The following GRHL3 variants were observed in gnomAD, a reference collection of about 807,000 sequenced individuals.
GRHL3 encodes grainyhead-like protein 3 homolog.
In GRHL3, 20 loss-of-function variants were observed where a neutral mutation model predicts 70.3. The observed-to-expected ratio is 0.28, with a 90% confidence interval of 0.20 to 0.41. The LOEUF is 0.41. GRHL3 is among the 10% of genes least tolerant of loss of function. The pLI is 1.00. For missense variants in GRHL3, 637 were observed against 762.3 expected, an observed-to-expected ratio of 0.84 and a Z score of 1.94; for synonymous variants, 299 against 299.9, an observed-to-expected ratio of 1.00 and a Z score of 0.03.
intron 7 of GRHL3, among the ~76,000 whole-genome samples, chr1:24,339,245 A>T (rs554152529): frequency 2.6e-4 from 40 of 151,074 alleles, no homozygotes; most frequent in African/African-American, 9.3e-4. Context: ...GGGGGAGAGA[A>T]TGTATGCCCC....
intron 2 of GRHL3, among the ~76,000 whole-genome samples, chr1:24,333,265 G>A (rs1382388337): frequency 6.6e-6 from 1 of 152,210 alleles, no homozygotes; most frequent in East Asian, 1.9e-4. Flanking sequence ...TGGTGTGGAA[G>A]GAGCACCAAG....
At chr1:24,340,594 C>G (rs1639997721) in intron 8 of GRHL3, among the ~76,000 whole-genome samples, 1 of 152,166 alleles carries the variant, frequency 6.6e-6, no homozygotes, top group African/African-American at 2.4e-5. Flanking sequence ...TTCGGCCTGT[C>G]CCTTCCCCTC....
At chr1:24,348,942 A>T (rs1640396831) in intron 14 of GRHL3, among the ~76,000 whole-genome samples, 1 of 152,246 alleles carries the variant, frequency 6.6e-6, no homozygotes, top group South Asian at 2.1e-4. Flanking sequence ...GGCAGCTAGT[A>T]CTAATCAACA....
chr1:24,352,462 C>T (rs1446283367), intron 15 of GRHL3, among the ~76,000 whole-genome samples: 3 of 152,170 alleles, frequency 2.0e-5, no homozygotes, highest in African/African-American at 7.2e-5. Context: ...CATTTGGTGA[C>T]AGTGGTACTG....
At chr1:24,348,119 G>A (rs926251766) in intron 14 of GRHL3, among the ~76,000 whole-genome samples, 2 of 152,200 alleles carry the variant, frequency 1.3e-5, no homozygotes, top group Non-Finnish European at 2.9e-5. Flanking sequence ...GGTCAGCTGT[G>A]GCTGAAGGTG....
At chr1:24,358,523 C>A (rs1407380852), downstream of GRHL3, 1 of 1,605,698 alleles carries the variant, frequency 6.2e-7, no homozygotes. Flanking sequence ...TGGAGTTCTC[C>A]TTGACCTTGT....
At chr1:24,326,027 A>G (rs1282739371) in intron 1 of GRHL3, among the ~76,000 whole-genome samples, 1 of 152,166 alleles carries the variant, frequency 6.6e-6, no homozygotes, top group East Asian at 1.9e-4. Context: ...TTTTTCCTCA[A>G]ATGAGGACAG....
Position 24,337,107 on chromosome 1 carries a change from C to G in GRHL3, c.642C>G (p.Thr214=). ...TGCTCTTCCCAGATATCCTGAAAAC[C>G]TCCCCGGAACCCCCATGTCCAGAGG... The part of the protein sequence containing the change: ...ESMLFPDILK[T]SPEPPCPEDY... The change falls in exon 5 of 16, where the codon ACC becomes ACG. Residue 214 remains threonine (T), a synonymous_variant. Coordinates refer to ENST00000361548, the MANE Select transcript of GRHL3 (RefSeq NM_198173.3). The G allele has an allele frequency of 1.2e-6, 2 of 1,614,142 alleles. No homozygotes were observed. The highest frequency in any genetic ancestry group is 1.7e-6 in the Non-Finnish European group (2 of 1,180,008).
At chr1:24,338,155 C>T (rs551243839) in intron 7 of GRHL3, 52 bp downstream of exon 7, 39 of 1,237,300 alleles carry the variant, frequency 3.2e-5, no homozygotes, top group African/African-American at 1.5e-4. Flanking sequence ...TCCCCACCCC[C>T]GCATCAATCA....
Position 24,321,328 on chromosome 1 carries a change from G to A in GRHL3, c.17+1760G>A, listed in dbSNP as rs1344716783. ...AGTTGCCTGCTGAGTAATTGCAGGC[G>A]GACTCCAAGCCACCATTTGAGATTA... On this transcript the variant is annotated intron_variant, in intron 1 of 15. Transcript: ENST00000361548. The surrounding 1 kb of genome is among the most constrained non-coding windows in gnomAD (Gnocchi z 4.0). Among the ~76,000 whole-genome samples the A allele has an allele frequency of 6.6e-6, 1 of 152,216 alleles. No individual in the cohort carries two copies. Among genetic ancestry groups the A allele is most frequent in the Non-Finnish European group, 1.5e-5 (1 of 68,044 alleles).
At chr1:24,328,633 T>C (rs1427741255) in intron 1 of GRHL3, among the ~76,000 whole-genome samples, 1 of 152,190 alleles carries the variant, frequency 6.6e-6, no homozygotes, top group African/African-American at 2.4e-5. Flanking sequence ...AGTCAGCAGA[T>C]TGGGGCTCCA....
intron 3 of GRHL3, among the ~76,000 whole-genome samples, chr1:24,336,269 A>G (rs939284250): frequency 1.3e-5 from 2 of 151,548 alleles, no homozygotes; most frequent in African/African-American, 4.9e-5. Flanking sequence ...TTGCTCCCTT[A>G]ACCCTGAGCC....
chr1:24,341,748 C>T (rs140432782), intron 8 of GRHL3, among the ~76,000 whole-genome samples: 160 of 152,286 alleles, frequency 1.1e-3, no homozygotes, highest in African/African-American at 3.6e-3. Flanking sequence ...TGCAGAAAAA[C>T]GAGGCTCTGG....
intron 11 of GRHL3, 158 bp downstream of exon 11, chr1:24,343,183 T>C (rs1292330459): frequency 2.8e-6 from 2 of 711,084 alleles, no homozygotes; most frequent in African/African-American, 3.5e-5. Context: ...TATATGGTCC[T>C]ATAGCTTCAG....
At chr1:24,337,552 G>T in intron 5 of GRHL3, 84 bp from the exon 6 acceptor site, 2 of 1,406,928 alleles carry the variant, frequency 1.4e-6, no homozygotes, top group Non-Finnish European at 2.0e-6. Flanking sequence ...CTGTAACATA[G>T]CCTCAGGCTT....
chr1:24,343,654 A>G (rs1557701581), intron 11 of GRHL3, among the ~76,000 whole-genome samples: 2 of 151,912 alleles, frequency 1.3e-5, no homozygotes, highest in East Asian at 3.9e-4. Flanking sequence ...CCTCCGAGAG[A>G]CTGCACCTAC....
chr1:24,336,664 C>A lies in GRHL3; in HGVS notation c.449C>A (p.Ala150Glu). 1 of 1,614,188 alleles carries A rather than the reference C, an allele frequency of 6.2e-7. No individual in the cohort carries two copies. ...PTPGKAAPLP[A>E]GPSKLEAGSV... is the part of the protein sequence containing the mutation. ...CCTGGCAAGGCAGCTCCCCTCCCTGCAGGCCCCAGCAAGCTGGAGGCCGGC... is the reference window on the plus strand; with the variant it reads ...CCTGGCAAGGCAGCTCCCCTCCCTGAAGGCCCCAGCAAGCTGGAGGCCGGC... Residue 150 changes from alanine to glutamate, a missense_variant, in exon 4 of 16, where the codon GCA becomes GAA. Coordinates refer to ENST00000361548, the MANE Select transcript of GRHL3 (RefSeq NM_198173.3).
rs563727247 is a variant in GRHL3, at chr1:24,329,870, A to C, written c.18-1556A>C. Among the ~76,000 whole-genome samples, 17 of 152,296 alleles carry C rather than the reference A, an allele frequency of 1.1e-4. No individual in the cohort carries two copies. The South Asian group carries it at 3.5e-3, about 32-fold the overall frequency. ...TCATACACTCTTTGCTCTAAATTGA[A>C]CACAACTAGAACTTTTCTGCTTCTA... On this transcript the variant is annotated intron_variant, in intron 1 of 15. Coordinates refer to ENST00000361548, the MANE Select transcript of GRHL3 (RefSeq NM_198173.3).
rs775471317 is a variant in GRHL3 at position 24,346,617 on chromosome 1, G to A, written c.1519G>A (p.Ala507Thr). ...GTTTGAGCCTCTGCCCTCCAAGCAGGCCAAGGAAGGCGACCTTCAGAGAGG... is the reference window on the plus strand; with the variant it reads ...GTTTGAGCCTCTGCCCTCCAAGCAGACCAAGGAAGGCGACCTTCAGAGAGG... ...EEFEPLPSKQ[A>T]KEGDLQRVLL... The change falls in exon 13 of 16, where the codon GCC becomes ACC. Residue 507 changes from alanine to threonine, a missense_variant. Physicochemically the swap from Ala to Thr is moderately conservative, Grantham distance 58. Transcript: ENST00000361548. The A allele has an allele frequency of 6.2e-7, 1 of 1,612,748 alleles. No homozygotes were observed. Among genetic ancestry groups the A allele is most frequent in the South Asian group, 1.1e-5 (1 of 91,022 alleles).
Sources: gnomAD v4.1 joint callset for allele counts (sites outside exome capture counted in the v4.1 genomes callset) on GRCh38, gnomAD v4.1.1 for gene constraint, Gnocchi (gnomAD v3.1) non-coding constraint, MANE v1.5 for transcripts, NCBI Gene and HGNC (gene_info 2026-07-23, HGNC 2026-07-21) for gene names.